OSTN: variants seen among roughly 807,000 people sequenced by gnomAD.
OSTN encodes osteocrin.
Under a neutral mutation model 12.0 loss-of-function variants are expected in OSTN, and 9 were observed. The ratio of observed to expected loss-of-function variants is 0.75; its 90% CI spans 0.45 to 1.30. OSTN has a LOEUF of 1.30. Among genes scored for constraint, OSTN ranks in the 50% most tolerant of loss-of-function variants. The pLI is 0.00. For synonymous variants in OSTN, 59 were observed against 56.9 expected, an observed-to-expected ratio of 1.04 and a Z score of -0.16; for missense variants, 148 against 152.3, an observed-to-expected ratio of 0.97 and a Z score of 0.15.
At chr3:191,242,103 A>C (rs919180954) in intron 3 of OSTN, among the ~76,000 whole-genome samples, 1 of 152,246 alleles carries the variant, frequency 6.6e-6, no homozygotes, top group African/African-American at 2.4e-5. Flanking sequence ...CAAATTGAAG[A>C]TATAAATCAC....
chr3:191,213,989 T>C (rs552204784), intron 2 of OSTN, among the ~76,000 whole-genome samples: 2 of 152,272 alleles, frequency 1.3e-5, no homozygotes, highest in Admixed American at 1.3e-4. Flanking sequence ...GAAGCTAAGA[T>C]CTGAGGAATA....
At chr3:191,251,945 G>C (rs1489389683) in intron 4 of OSTN, among the ~76,000 whole-genome samples, 3 of 152,172 alleles carry the variant, frequency 2.0e-5, no homozygotes, top group Non-Finnish European at 4.4e-5. Flanking sequence ...AATTAACTTT[G>C]ATTGGTTTCC....
intron 3 of OSTN, among the ~76,000 whole-genome samples, chr3:191,229,543 C>A (rs1177927414): frequency 6.6e-6 from 1 of 152,010 alleles, no homozygotes; most frequent in Admixed American, 6.6e-5. Context: ...TTATACTATT[C>A]TATTTTGTCA....
chr3:191,227,407 C>A (rs1002984304), intron 3 of OSTN, among the ~76,000 whole-genome samples: 32 of 152,216 alleles, frequency 2.1e-4, no homozygotes, highest in African/African-American at 6.5e-4. Context: ...ATGGAACCCA[C>A]ATGGAGGGGA....
chr3:191,235,585 T>C (rs1715168618), intron 3 of OSTN, among the ~76,000 whole-genome samples: 1 of 152,160 alleles, frequency 6.6e-6, no homozygotes, highest in African/African-American at 2.4e-5. Flanking sequence ...CCAGTGCGAA[T>C]AGTAACATAG....
At chr3:191,199,656 G>A (rs370629014) in intron 1 of OSTN, among the ~76,000 whole-genome samples, 4 of 151,950 alleles carry the variant, frequency 2.6e-5, no homozygotes, top group African/African-American at 9.7e-5. Flanking sequence ...TAATATAAAA[G>A]AGTGGTCTAA....
chr3:191,238,799 A>G (rs1715258435), intron 3 of OSTN, among the ~76,000 whole-genome samples: 1 of 152,208 alleles, frequency 6.6e-6, no homozygotes, highest in African/African-American at 2.4e-5. Flanking sequence ...GCTCAAGACC[A>G]TAGGATGGGA....
At chr3:191,258,119 T>C (rs1215984689) in intron 4 of OSTN, among the ~76,000 whole-genome samples, 1 of 152,198 alleles carries the variant, frequency 6.6e-6, no homozygotes, top group Non-Finnish European at 1.5e-5. Flanking sequence ...GTAGCAAATT[T>C]ATATCTCAAA....
At chr3:191,211,994 A>G (rs1714430798) in intron 1 of OSTN, among the ~76,000 whole-genome samples, 1 of 152,184 alleles carries the variant, frequency 6.6e-6, no homozygotes, top group Admixed American at 6.5e-5. Context: ...ATATAAAAAC[A>G]TAGTTTTTTA....
chr3:191,262,751 A>G, intron 4 of OSTN, 115 bp from the exon 5 acceptor site: 1 of 619,862 alleles, frequency 1.6e-6, no homozygotes. Flanking sequence ...AATAAAGGCT[A>G]TAATGAAACA....
At chr3:191,225,454 T>C (rs1332941698) in intron 3 of OSTN, among the ~76,000 whole-genome samples, 2 of 152,118 alleles carry the variant, frequency 1.3e-5, no homozygotes, top group African/African-American at 4.8e-5. Context: ...AAAGGAAATT[T>C]CCAAATTCCT....
intron 3 of OSTN, among the ~76,000 whole-genome samples, chr3:191,220,602 C>G (rs1446989854): frequency 6.6e-6 from 1 of 152,048 alleles, no homozygotes; most frequent in African/African-American, 2.4e-5. Flanking sequence ...AAAAATTGAG[C>G]TACCGTATGT....
chr3:191,233,784 G>C (rs1445421453), intron 3 of OSTN, among the ~76,000 whole-genome samples: 1 of 152,046 alleles, frequency 6.6e-6, no homozygotes, highest in East Asian at 1.9e-4. Flanking sequence ...ATCTGAGGTT[G>C]GGAGTTTGAG....
intron 2 of OSTN, 54 bp from the exon 3 acceptor site, chr3:191,218,693 A>G (rs9290979): frequency 1.4e-6 from 2 of 1,448,120 alleles, no homozygotes; most frequent in African/African-American, 1.4e-5. Context: ...GCATATGTAC[A>G]TACTTGGAGT....
intron 1 of OSTN, among the ~76,000 whole-genome samples, chr3:191,210,955 T>C (rs991198411): frequency 6.6e-6 from 1 of 152,228 alleles, no homozygotes; most frequent in African/African-American, 2.4e-5. Context: ...TGAGCTTCAG[T>C]TGGCTGGATA....
intron 3 of OSTN, among the ~76,000 whole-genome samples, chr3:191,225,591 T>C (rs1205911184): frequency 6.6e-6 from 1 of 152,062 alleles, no homozygotes; most frequent in East Asian, 1.9e-4. Flanking sequence ...CCAATAATGG[T>C]GGACTGGATA....
chr3:191,253,738 T>C (rs943865256), intron 4 of OSTN, among the ~76,000 whole-genome samples: 2 of 152,206 alleles, frequency 1.3e-5, no homozygotes, highest in African/African-American at 4.8e-5. Flanking sequence ...CAGCTAATCT[T>C]TCCTAGATCT....
At chr3:191,254,899 T>C (rs1715636371) in intron 4 of OSTN, among the ~76,000 whole-genome samples, 1 of 152,214 alleles carries the variant, frequency 6.6e-6, no homozygotes, top group Non-Finnish European at 1.5e-5. Context: ...GATTTATTTG[T>C]GCTTGTACAC....
intron 3 of OSTN, among the ~76,000 whole-genome samples, chr3:191,233,668 G>A (rs1338741393): frequency 6.6e-6 from 1 of 152,084 alleles, no homozygotes; most frequent in Non-Finnish European, 1.5e-5. Context: ...TGGAAGAATA[G>A]TATCTACTAT....
Sources: allele counts gnomAD v4.1 joint callset (sites outside exome capture counted in the v4.1 genomes callset), GRCh38; gene constraint gnomAD v4.1.1; transcripts MANE v1.5; gene names NCBI Gene and HGNC (gene_info 2026-07-23, HGNC 2026-07-21).